HACD3: variants seen among roughly 807,000 people sequenced by gnomAD.
HACD3 encodes 3-hydroxyacyl-CoA dehydratase 3, also known as very-long-chain (3R)-3-hydroxyacyl-CoA dehydratase 3.
HACD3 carries 30 observed loss-of-function variants against 55.2 expected under a neutral mutation model. The observed-to-expected ratio is 0.54, with a 90% CI of 0.41 to 0.74. The LOEUF (loss-of-function observed/expected upper bound fraction) is 0.74. HACD3 is among the 30% of genes least tolerant of loss of function. The pLI is 0.00. For synonymous variants in HACD3, 141 were observed against 151.7 expected (o/e 0.93, Z 0.52); for missense variants, 363 against 440.1 (o/e 0.82, Z 1.57).
chr15:65,563,509 TA>T (rs2072262648), intron 6 of HACD3, among the ~76,000 whole-genome samples: 1 of 152,128 alleles, frequency 6.6e-6, no homozygotes, highest in Admixed American at 6.5e-5. Context: ...TTCTACCTGA[TA>T]ATGAAAGTAT....
chr15:65,545,945 G>A (rs1296852161), intron 1 of HACD3, among the ~76,000 whole-genome samples: 3 of 152,292 alleles, frequency 2.0e-5, no homozygotes, highest in South Asian at 2.1e-4. Flanking sequence ...GCCAGCTTCC[G>A]CTTCTTCTCT....
intron 1 of HACD3, among the ~76,000 whole-genome samples, chr15:65,544,247 G>T (rs1429644484): frequency 6.6e-6 from 1 of 152,162 alleles, no homozygotes; most frequent in East Asian, 1.9e-4. Flanking sequence ...ATAGACCAGA[G>T]AGGGTACAGG....
chr15:65,554,802 A>G (rs2072172438), intron 2 of HACD3, 85 bp from the exon 3 acceptor site: 1 of 928,142 alleles, frequency 1.1e-6, no homozygotes, highest in African/African-American at 1.7e-5. Context: ...ATATTCGCAT[A>G]CTTGGGAAAG....
intron 10 of HACD3, among the ~76,000 whole-genome samples, chr15:65,573,417 G>A (rs542221922): frequency 6.6e-6 from 1 of 152,164 alleles, no homozygotes; most frequent in African/African-American, 2.4e-5. Context: ...AGACCAACCT[G>A]GCCAACATGG....
intron 1 of HACD3, among the ~76,000 whole-genome samples, chr15:65,542,242 A>AAAG (rs1555483041): frequency 2.8e-5 from 4 of 140,562 alleles, no homozygotes; most frequent in African/African-American, 1.0e-4. Flanking sequence ...AAAAAAAAAA[A>AAAG]AAAAGAAAAG....
chr15:65,568,864 C>T (rs1207015279), intron 7 of HACD3, among the ~76,000 whole-genome samples: 6 of 152,104 alleles, frequency 3.9e-5, no homozygotes, highest in African/African-American at 1.2e-4. Flanking sequence ...AAACAGACAA[C>T]CCAGATATCT....
Position 65,530,674 on chromosome 15 carries a change from C to T in HACD3, c.43C>T (p.Arg15Ter). The T allele has an allele frequency of 1.3e-6, 2 of 1,581,302 alleles. No individual in the cohort carries two copies. The highest frequency in any genetic ancestry group is 1.7e-6 in the Non-Finnish European group (2 of 1,164,854). ...VLTPHVYWAQ[R>*]HRELYLRVEL... The stretch of plus-strand genomic sequence containing the variant: ...GACGCCGCATGTCTACTGGGCTCAG[C>T]GACACCGCGAGCTATATCTGCGCGT... The change falls in exon 1 of 11, where the codon CGA becomes TGA. Residue 15 changes from arginine to a stop codon, truncating the protein, a stop_gained. Coordinates refer to ENST00000261875, the MANE Select transcript of HACD3 (RefSeq NM_016395.4). LOFTEE classifies it high-confidence loss of function.
chr15:65,567,312 C>G (rs76066296), intron 7 of HACD3, among the ~76,000 whole-genome samples: 12 of 151,866 alleles, frequency 7.9e-5, no homozygotes, highest in African/African-American at 2.7e-4. Flanking sequence ...GAGCGAGACC[C>G]CTGTCTCTAA....
At chr15:65,550,553 A>G (rs1385264853) in intron 1 of HACD3, among the ~76,000 whole-genome samples, 1 of 152,246 alleles carries the variant, frequency 6.6e-6, no homozygotes, top group Non-Finnish European at 1.5e-5. Context: ...AAATGGCTTC[A>G]CCTGGAAGTT....
At chr15:65,530,762 T>G (rs567976049) in intron 1 of HACD3, 44 bp downstream of exon 1, 3 of 1,504,964 alleles carry the variant, frequency 2.0e-6, no homozygotes, top group Non-Finnish European at 9.0e-7. Context: ...GGATCGCGGC[T>G]CCGGGTACCC....
At chr15:65,550,648 C>T (rs1337282796) in intron 1 of HACD3, among the ~76,000 whole-genome samples, 1 of 152,152 alleles carries the variant, frequency 6.6e-6, no homozygotes, top group Non-Finnish European at 1.5e-5. Flanking sequence ...TATGTAGTGG[C>T]TTAAAGCAAC....
intron 1 of HACD3, among the ~76,000 whole-genome samples, chr15:65,545,657 T>C (rs1010563906): frequency 6.6e-6 from 1 of 151,446 alleles, no homozygotes; most frequent in African/African-American, 2.4e-5. Flanking sequence ...GGTTTCACCG[T>C]GTTAGCCAGG....
At chr15:65,572,492 G>T in intron 10 of HACD3, 126 bp downstream of exon 10, 1 of 1,140,234 alleles carries the variant, frequency 8.8e-7, no homozygotes. Flanking sequence ...TGATTACTTT[G>T]CAAAAACAGA....
rs762902857 is a variant in HACD3, at chr15:65,571,581, G to A, written c.807G>A (p.Met269Ile). 3.7e-6 allele frequency: 6 copies of A among 1,613,784 alleles called. No individual in the cohort carries two copies. Among genetic ancestry groups the A allele is most frequent in the Non-Finnish European group, 4.2e-6 (5 of 1,179,726 alleles). Residue 269 changes from methionine to isoleucine, a missense_variant, in exon 9 of 11, where the codon ATG (methionine) becomes ATA (isoleucine). Coordinates refer to ENST00000261875, the MANE Select transcript of HACD3 (RefSeq NM_016395.4). ...YSFYMLTCID[M>I]DWKVLTWLRY... ...TCTACATGCTGACGTGCATTGACAT[G>A]GATTGGAAGGTGCTCACATGGCTTC...
chr15:65,562,717 C>A, intron 5 of HACD3, 57 bp from the exon 6 acceptor site: 6 of 1,581,556 alleles, frequency 3.8e-6, no homozygotes, highest in Non-Finnish European at 5.2e-6. Flanking sequence ...CCTCATACAC[C>A]TGTCTCCTGC....
Position 65,570,181 on chromosome 15 carries a change from T to C in HACD3, c.751T>C (p.Trp251Arg), listed in dbSNP as rs576191673. Residue 251 changes from tryptophan to arginine, a missense_variant, in exon 8 of 11, where the codon TGG becomes CGG. Trp to Arg is a moderately radical substitution (Grantham distance 101, BLOSUM62 -3). Transcript: ENST00000261875. ...KAVVFFVFYL[W>R]SAIEIFRYSF... The stretch of plus-strand genomic sequence containing the variant: ...TGTGGTTTTCTTTGTGTTTTATTTG[T>C]GGAGTGCAATTGAAATTTTCAGGTG... 5.6e-6 allele frequency: 9 copies of C among 1,611,216 alleles called. No individual in the cohort carries two copies. The East Asian group carries it at 1.6e-4, about 28-fold the overall frequency.
intron 1 of HACD3, among the ~76,000 whole-genome samples, chr15:65,546,723 G>C (rs960928517): frequency 1.8e-4 from 27 of 152,276 alleles, no homozygotes; most frequent in African/African-American, 6.5e-4. Flanking sequence ...TTGCAGGTGT[G>C]AGCCACCATG....
chr15:65,570,240 T>C, intron 8 of HACD3, 37 bp downstream of exon 8: 1 of 1,406,588 alleles, frequency 7.1e-7, no homozygotes, highest in Non-Finnish European at 1.0e-6. Context: ...TGAATGCTGC[T>C]CCCTGTTTGC....
intron 5 of HACD3, among the ~76,000 whole-genome samples, chr15:65,561,691 T>C (rs2072246112): frequency 6.6e-6 from 1 of 152,086 alleles, no homozygotes; most frequent in South Asian, 2.1e-4. Flanking sequence ...AAGCAAGCAA[T>C]GAGTTCTGCA....
Sources: gnomAD v4.1 joint callset for allele counts (sites outside exome capture counted in the v4.1 genomes callset) on GRCh38, gnomAD v4.1.1 for gene constraint, MANE v1.5 for transcripts, NCBI Gene and HGNC (gene_info 2026-07-23, HGNC 2026-07-21) for gene names.